Variants in COL4A4 observed in about 807,000 individuals in gnomAD.
COL4A4 encodes the protein collagen alpha-4(IV) chain.
COL4A4 carries 105 observed loss-of-function variants against 192.9 expected under a neutral mutation model. The observed-to-expected ratio is 0.54, with a 90% confidence interval of 0.46 to 0.64. The LOEUF is 0.64. COL4A4 is among the 30% of genes least tolerant of loss of function. The pLI is 0.00. For missense variants in COL4A4, 1,967 were observed against 2,169.3 expected, an observed-to-expected ratio of 0.91 and a Z score of 1.85; for synonymous variants, 762 against 769.9, an observed-to-expected ratio of 0.99 and a Z score of 0.17.
rs1276228084 is a variant in COL4A4 at position 227,138,189 on chromosome 2, G to T, written c.192+1972C>A. Among the ~76,000 whole-genome samples, 4 of 150,992 alleles carry T rather than the reference G, an allele frequency of 2.6e-5. No individual in the cohort carries two copies. In the South Asian group the frequency reaches 8.4e-4, roughly 32 times the overall value. On this transcript the variant is annotated intron_variant, in intron 4 of 47. Coordinates refer to ENST00000396625, the MANE Select transcript of COL4A4 (RefSeq NM_000092.5). ...AATAATTAGCCTAGTGTAGTGGCAT[G>T]TACCTGTAGGCCCAGCCACTTGGGA...
At chr2:227,028,546 A>G (rs1967524820) in intron 41 of COL4A4, among the ~76,000 whole-genome samples, 1 of 152,058 alleles carries the variant, frequency 6.6e-6, no homozygotes, top group South Asian at 2.1e-4. Flanking sequence ...TTGCTTTTTG[A>G]TAAGCTCTTC....
At chr2:227,086,115 C>A (rs1430819143) in intron 22 of COL4A4, among the ~76,000 whole-genome samples, 1 of 152,236 alleles carries the variant, frequency 6.6e-6, no homozygotes, top group Non-Finnish European at 1.5e-5. Flanking sequence ...TGCACTAGAG[C>A]ATCCTGGCCG....
At chr2:227,114,778 T>C in intron 7 of COL4A4, 82 bp from the exon 8 acceptor site, 3 of 1,122,174 alleles carry the variant, frequency 2.7e-6, no homozygotes, top group Non-Finnish European at 4.0e-6. Context: ...AAAATATAAC[T>C]CATCAGTTAA....
chr2:227,114,317 C>A (rs1278848973), intron 8 of COL4A4, among the ~76,000 whole-genome samples: 1 of 150,484 alleles, frequency 6.6e-6, no homozygotes, highest in African/African-American at 2.5e-5. Context: ...TCCTATAATG[C>A]ACAAGTCAGC....
chr2:227,021,938 T>A (rs565843556), intron 44 of COL4A4, 110 bp downstream of exon 44: 1 of 1,276,970 alleles, frequency 7.8e-7, no homozygotes, highest in South Asian at 1.4e-5. Flanking sequence ...AAGACATGCT[T>A]TCTCCTCAGT....
chr2:226,968,641 ATGTT>A, the COL4A4 span, among the ~76,000 whole-genome samples: 8 of 152,326 alleles, frequency 5.3e-5, no homozygotes, highest in South Asian at 6.2e-4. Context: ...TGGAGATTGA[ATGTT>A]TGCGCACTCT....
chr2:227,158,095 G>C (rs1332042081), intron 1 of COL4A4, among the ~76,000 whole-genome samples: 1 of 152,084 alleles, frequency 6.6e-6, no homozygotes, highest in Non-Finnish European at 1.5e-5. Flanking sequence ...AAAGTTGAAG[G>C]ACTTACACTA....
intron 42 of COL4A4, among the ~76,000 whole-genome samples, chr2:227,027,241 G>T (rs1949805): frequency 1.4e-5 from 2 of 143,810 alleles, no homozygotes; most frequent in African/African-American, 2.6e-5. Flanking sequence ...GACAGAGCAA[G>T]ACTGTCTCAA....
At chr2:227,059,264 A>G in intron 28 of COL4A4, 141 bp downstream of exon 28, 1 of 797,818 alleles carries the variant, frequency 1.3e-6, no homozygotes, top group South Asian at 1.4e-5. Flanking sequence ...AAATGTAACC[A>G]GCACCCCAAA....
intron 4 of COL4A4, among the ~76,000 whole-genome samples, chr2:227,129,455 G>C (rs965464489): frequency 6.6e-6 from 1 of 150,562 alleles, no homozygotes; most frequent in Admixed American, 6.6e-5. Context: ...TGTCACCCAG[G>C]CTGGAGTACA....
At chr2:227,067,600 C>G (rs1308493228) in intron 25 of COL4A4, among the ~76,000 whole-genome samples, 2 of 152,128 alleles carry the variant, frequency 1.3e-5, no homozygotes, top group Non-Finnish European at 2.9e-5. Context: ...AACTGAACAA[C>G]CTGCTCCTGA....
intron 7 of COL4A4, 148 bp from the exon 8 acceptor site, chr2:227,114,844 T>G: frequency 1.4e-6 from 1 of 701,114 alleles, no homozygotes; most frequent in South Asian, 1.7e-5. Flanking sequence ...TCTTCCATAT[T>G]ATTATCACCC....
chr2:226,995,278 G>A, the COL4A4 span, among the ~76,000 whole-genome samples: 1 of 152,144 alleles, frequency 6.6e-6, no homozygotes, highest in Non-Finnish European at 1.5e-5. Flanking sequence ...ATTTAGTACT[G>A]ACAGCTGAAG....
In COL4A4 at chr2:227,041,846, A is replaced by AAGAAAGAAAGAGAGAGAGAGAGAG. The variant is rs1559478097; in HGVS notation, c.3505+301_3505+302insCTCTCTCTCTCTCTCTTTCTTTCT. 1.0e-3 allele frequency among the ~76,000 whole-genome samples: 41 copies of AAGAAAGAAAGAGAGAGAGAGAGAG among 39,304 alleles called. 1 individual carries two copies. The highest frequency in any genetic ancestry group is 0.011 in the Middle Eastern group (1 of 94). The allele number at this position is 39,304 out of a possible 152,430, so 25.8% of individuals were successfully genotyped here. On this transcript the variant is annotated intron_variant, in intron 37 of 47. Transcript: ENST00000396625. ...AAAGAAAGAAAGAAAGAAAGAAAGA[A>AAGAAAGAAAGAGAGAGAGAGAGAG]AGAGAAAGAAAGAAAGAAAGAAAGA...
intron 42 of COL4A4, among the ~76,000 whole-genome samples, chr2:227,027,604 G>A (rs1264099516): frequency 2.0e-5 from 3 of 150,558 alleles, no homozygotes; most frequent in African/African-American, 7.3e-5. Context: ...TGCACGTTGT[G>A]CACATGTACA....
At chr2:227,021,400 A>G (rs146994901) in intron 44 of COL4A4, among the ~76,000 whole-genome samples, 127 of 152,270 alleles carry the variant, frequency 8.3e-4, no homozygotes, top group African/African-American at 3.0e-3. Flanking sequence ...AATTGTTTTT[A>G]ACTCAAAATC....
At chr2:227,068,520 T>C (rs1305906066) in intron 25 of COL4A4, among the ~76,000 whole-genome samples, 2 of 152,230 alleles carry the variant, frequency 1.3e-5, no homozygotes, top group African/African-American at 4.8e-5. Context: ...TTATCCACCA[T>C]GATCAAGTGG....
At chr2:227,091,504 T>A (rs942726695) in intron 20 of COL4A4, among the ~76,000 whole-genome samples, 4 of 149,808 alleles carry the variant, frequency 2.7e-5, no homozygotes, top group Non-Finnish European at 4.4e-5. Context: ...GGGGAAAAAA[T>A]GGAGGAGACA....
In COL4A4 at chr2:227,104,033, C is replaced by T. The variant is rs760795817; in HGVS notation, c.755G>A (p.Gly252Asp). 1 of 1,613,102 alleles carries T rather than the reference C, an allele frequency of 6.2e-7. No homozygotes were observed. Among genetic ancestry groups the T allele is most frequent in the Non-Finnish European group, 8.5e-7 (1 of 1,179,850 alleles). The change falls in exon 13 of 48, where the codon GGT becomes GAT. Residue 252 changes from glycine to aspartate, a missense_variant. By Grantham distance (94) the Gly-to-Asp change is moderately conservative. Transcript: ENST00000396625. ...TACCAACAGGGTGGGTCCAGGAGAA[C>T]CTTGCTGACCAACCTCACCCTTAAA... Reference protein sequence around the residue: ...MGDPGEVGQQGSPGPTLLVEP... With the variant: ...MGDPGEVGQQDSPGPTLLVEP...
Sources: allele counts gnomAD v4.1 joint callset (sites outside exome capture counted in the v4.1 genomes callset), GRCh38; gene constraint gnomAD v4.1.1; transcripts MANE v1.5; gene names NCBI Gene and HGNC (gene_info 2026-07-23, HGNC 2026-07-21).